CBLB: variants seen among roughly 807,000 people sequenced by gnomAD.
The protein encoded by CBLB is Cbl proto-oncogene B, also known as E3 ubiquitin-protein ligase CBL-B.
A neutral mutation model predicts 104.9 loss-of-function variants in CBLB; 31 were observed. The ratio of observed to expected loss-of-function variants is 0.30; its 90% CI spans 0.22 to 0.40. The LOEUF is 0.40. Among genes scored for constraint, CBLB ranks in the 10% least tolerant of loss-of-function variants. The pLI is 1.00. For missense variants in CBLB, 1,062 were observed against 1,214.6 expected (o/e 0.87, Z 1.87); for synonymous variants, 440 against 422.6 (o/e 1.04, Z -0.51).
chr3:105,857,152 G>T (rs1218119420), intron 2 of CBLB, among the ~76,000 whole-genome samples: 3 of 152,076 alleles, frequency 2.0e-5, no homozygotes, highest in South Asian at 2.1e-4. Flanking sequence ...CAAAATTTCT[G>T]TCAGGTATTT....
chr3:105,777,002 G>A (rs1367066887), intron 3 of CBLB, among the ~76,000 whole-genome samples: 1 of 152,178 alleles, frequency 6.6e-6, no homozygotes, highest in Non-Finnish European at 1.5e-5. Context: ...AAGGGAGGAT[G>A]CAGAGGGAAG....
chr3:105,675,194 T>G (rs183713480), intron 17 of CBLB, among the ~76,000 whole-genome samples: 18 of 152,264 alleles, frequency 1.2e-4, no homozygotes, highest in African/African-American at 4.3e-4. Context: ...TCAATAATGT[T>G]TAGAAAAGAT....
intron 9 of CBLB, among the ~76,000 whole-genome samples, chr3:105,726,613 T>C (rs574835917): frequency 9.7e-4 from 148 of 152,024 alleles, no homozygotes; most frequent in Middle Eastern, 3.2e-3. Context: ...TGCAGGTTTG[T>C]TACACAGGTA....
chr3:105,849,196 AG>A (rs1352069268), intron 3 of CBLB, among the ~76,000 whole-genome samples: 1 of 152,174 alleles, frequency 6.6e-6, no homozygotes, highest in Non-Finnish European at 1.5e-5. Flanking sequence ...AAAGAAACAC[AG>A]TTCGAAAGTT....
chr3:105,701,763 CA>C (rs60481562), intron 12 of CBLB, among the ~76,000 whole-genome samples: 10,364 of 138,718 alleles, frequency 0.075, 486 homozygotes, highest in Admixed American at 0.16. Flanking sequence ...GGCTTCGTCT[CA>C]AAAAAAAAAA....
intron 3 of CBLB, among the ~76,000 whole-genome samples, chr3:105,807,609 A>C (rs1213437592): frequency 6.6e-6 from 1 of 152,112 alleles, no homozygotes; most frequent in Non-Finnish European, 1.5e-5. Flanking sequence ...TTTTATATAC[A>C]TTTTATAATT....
At chr3:105,720,311 T>A in intron 9 of CBLB, 61 bp from the exon 10 acceptor site, 1 of 1,443,174 alleles carries the variant, frequency 6.9e-7, no homozygotes. Flanking sequence ...CGAGAAATGC[T>A]AATAATGTTC....
At chr3:105,771,297 T>C (rs1364554226) in intron 4 of CBLB, among the ~76,000 whole-genome samples, 2 of 152,094 alleles carry the variant, frequency 1.3e-5, no homozygotes, top group East Asian at 1.9e-4. Flanking sequence ...TATATAATCA[T>C]CTCAATAGAC....
chr3:105,827,139 C>G (rs889386494), intron 3 of CBLB, among the ~76,000 whole-genome samples: 3 of 152,102 alleles, frequency 2.0e-5, no homozygotes, highest in Non-Finnish European at 2.9e-5. Flanking sequence ...TACAACGATT[C>G]TGGCAAAGGT....
chr3:105,860,383 G>A (rs6796362), intron 2 of CBLB, among the ~76,000 whole-genome samples: 13,832 of 152,124 alleles, frequency 0.091, 717 homozygotes, highest in Admixed American at 0.12. Context: ...AGTGGAGGAG[G>A]GGAAATGCCC....
At chr3:105,803,536 C>A (rs1232105016) in intron 3 of CBLB, among the ~76,000 whole-genome samples, 2 of 152,104 alleles carry the variant, frequency 1.3e-5, no homozygotes, top group Non-Finnish European at 2.9e-5. Flanking sequence ...TAACTTCCAC[C>A]ATTCTCAAGT....
chr3:105,828,793 C>T (rs74739354), intron 3 of CBLB, among the ~76,000 whole-genome samples: 11,296 of 152,112 alleles, frequency 0.074, 581 homozygotes, highest in East Asian at 0.29. Context: ...ACAACCTACT[C>T]GATTTTAACA....
At chr3:105,849,252 T>G (rs2090654501) in intron 3 of CBLB, among the ~76,000 whole-genome samples, 2 of 152,126 alleles carry the variant, frequency 1.3e-5, no homozygotes, top group Admixed American at 6.6e-5. Flanking sequence ...TTATTATGAA[T>G]TGTTATGAAA....
chr3:105,734,222 T>A (rs2074654625), intron 8 of CBLB, 82 bp from the exon 9 acceptor site: 2 of 1,383,886 alleles, frequency 1.4e-6, no homozygotes, highest in Middle Eastern at 4.0e-4. Context: ...CCAAATAAAA[T>A]GACGCACAGT....
At chr3:105,848,092 A>G (rs2090505803) in intron 3 of CBLB, among the ~76,000 whole-genome samples, 1 of 152,066 alleles carries the variant, frequency 6.6e-6, no homozygotes, top group South Asian at 2.1e-4. Flanking sequence ...ATGTCAGCTC[A>G]GAATGGTTTA....
In CBLB at chr3:105,659,176, G is replaced by A; in HGVS notation, c.2743C>T (p.Pro915Ser). ...PPKPRPRRTAPEIHHRKPHGP... is the reference protein window; with the variant it reads ...PPKPRPRRTASEIHHRKPHGP... ...TGGGGTTTTCTGTGGTGAATTTCTG[G>A]TGCAGTCCTGCGCGGTCGTGGTTTA... Residue 915 changes from proline to serine, a missense_variant, in exon 19 of 19, where the codon CCA becomes TCA. Physicochemically the swap from Pro to Ser is moderately conservative, Grantham distance 74. Coordinates refer to ENST00000394030, the MANE Select transcript of CBLB (RefSeq NM_170662.5). 6.2e-7 allele frequency: 1 copy of A among 1,613,898 alleles called. No homozygotes were observed. Among genetic ancestry groups the A allele is most frequent in the Non-Finnish European group, 8.5e-7 (1 of 1,179,894 alleles).
At chr3:105,836,134 C>T (rs2088457067) in intron 3 of CBLB, among the ~76,000 whole-genome samples, 1 of 152,112 alleles carries the variant, frequency 6.6e-6, no homozygotes, top group African/African-American at 2.4e-5. Flanking sequence ...GGAAGACCAC[C>T]ATGTTACACA....
chr3:105,865,923 T>A (rs1042636460), intron 2 of CBLB, among the ~76,000 whole-genome samples: 2 of 152,218 alleles, frequency 1.3e-5, no homozygotes, highest in African/African-American at 4.8e-5. Context: ...ATGCACACTC[T>A]TTAGCAAAGA....
intron 12 of CBLB, among the ~76,000 whole-genome samples, chr3:105,696,959 T>C (rs1221368553): frequency 1.3e-5 from 2 of 151,956 alleles, no homozygotes; most frequent in Non-Finnish European, 2.9e-5. Context: ...TTAATGTTTA[T>C]AGCCAGTGAC....
Sources: allele counts gnomAD v4.1 joint callset (sites outside exome capture counted in the v4.1 genomes callset), GRCh38; gene constraint gnomAD v4.1.1; transcripts MANE v1.5; gene names NCBI Gene and HGNC (gene_info 2026-07-23, HGNC 2026-07-21).